Variants in TMTC1 observed in about 807,000 individuals in gnomAD.
TMTC1 encodes the protein protein O-mannosyl-transferase TMTC1.
In TMTC1, 73 loss-of-function variants were observed where a neutral mutation model predicts 104.8. That is an observed-to-expected ratio of 0.70 (90% CI 0.58 to 0.85). TMTC1 has a LOEUF of 0.85. Among genes scored for constraint, TMTC1 ranks in the 40% least tolerant of loss-of-function variants. The pLI, the probability that TMTC1 is intolerant of heterozygous loss-of-function variation, is 0.00. For synonymous variants in TMTC1, 434 were observed against 428.7 expected, an observed-to-expected ratio of 1.01 and a Z score of -0.15; for missense variants, 1,035 against 1,096.1, an observed-to-expected ratio of 0.94 and a Z score of 0.79.
chr12:29,572,070 C>A, intron 9 of TMTC1, 35 bp downstream of exon 9: 1 of 1,546,072 alleles, frequency 6.5e-7, no homozygotes, highest in Non-Finnish European at 8.9e-7. Flanking sequence ...GTCTTTAAAG[C>A]ACCAAGGCCA....
intron 8 of TMTC1, among the ~76,000 whole-genome samples, chr12:29,577,358 C>T (rs1027947583): frequency 2.0e-5 from 3 of 152,124 alleles, no homozygotes; most frequent in Non-Finnish European, 4.4e-5. Flanking sequence ...TACATTTGCC[C>T]TGTTCTCTGA....
At position 29,503,576 on chromosome 12, in the gene TMTC1, T is replaced by C. The variant is rs1943638976; in HGVS notation, c.*3270A>G. The C allele has an allele frequency of 6.6e-6, 1 of 152,124 alleles. No homozygotes were observed. Among genetic ancestry groups the C allele is most frequent in the Non-Finnish European group, 1.5e-5 (1 of 68,036 alleles). 9.4% of individuals were successfully genotyped at this position (152,124 alleles called of 1,614,324 possible). On this transcript the variant is annotated 3_prime_UTR_variant, in exon 18 of 18. Transcript: ENST00000539277. ...AGATGGACTGGAAAAAGAGGGGTGA[T>C]ATATACATGAGGAACTCTAAATGTA...
chr12:29,636,095 A>T (rs190298319), intron 5 of TMTC1, among the ~76,000 whole-genome samples: 1 of 152,320 alleles, frequency 6.6e-6, no homozygotes, highest in Non-Finnish European at 1.5e-5. Flanking sequence ...TTAGAAATAC[A>T]TACTAACATA....
chr12:29,522,749 G>C (rs995705835), intron 11 of TMTC1, among the ~76,000 whole-genome samples: 1 of 152,160 alleles, frequency 6.6e-6, no homozygotes, highest in Non-Finnish European at 1.5e-5. Context: ...CCCAAGATTT[G>C]ACTGCGTGGA....
chr12:29,768,096 G>GA (rs141960548), intron 1 of TMTC1, 21 bp from the exon 2 acceptor site: 7 of 1,522,568 alleles, frequency 4.6e-6, no homozygotes, highest in South Asian at 1.3e-5. Flanking sequence ...AAAGAAAAAA[G>GA]AAAAAAACTG....
intron 8 of TMTC1, 110 bp from the exon 9 acceptor site, chr12:29,572,328 T>C: frequency 3.2e-6 from 3 of 923,410 alleles, no homozygotes; most frequent in Non-Finnish European, 5.0e-6. Context: ...TCCGTTGTAT[T>C]CTAAAACAAG....
chr12:29,707,889 G>A (rs1023063273), intron 5 of TMTC1, among the ~76,000 whole-genome samples: 1 of 152,170 alleles, frequency 6.6e-6, no homozygotes, highest in Non-Finnish European at 1.5e-5. Flanking sequence ...CTTTGAGGCT[G>A]GAGAGCCACA....
chr12:29,631,085 C>A (rs1404524139), intron 6 of TMTC1, among the ~76,000 whole-genome samples: 1 of 152,116 alleles, frequency 6.6e-6, no homozygotes, highest in African/African-American at 2.4e-5. Context: ...CTACTTGGAT[C>A]TTTTCTCCAT....
chr12:29,700,240 T>G (rs1468183059), intron 5 of TMTC1, among the ~76,000 whole-genome samples: 1 of 144,456 alleles, frequency 6.9e-6, no homozygotes, highest in South Asian at 2.2e-4. Context: ...TTTTTTTTTG[T>G]TTTTTTTTTT....
intron 5 of TMTC1, among the ~76,000 whole-genome samples, chr12:29,682,654 C>T (rs1940959425): frequency 6.6e-6 from 1 of 152,084 alleles, no homozygotes; most frequent in African/African-American, 2.4e-5. Flanking sequence ...TGTAAGAGAC[C>T]ACATAATGTA....
chr12:29,733,322 C>A (rs977237493), intron 5 of TMTC1, among the ~76,000 whole-genome samples: 6 of 152,154 alleles, frequency 3.9e-5, no homozygotes, highest in Non-Finnish European at 7.3e-5. Context: ...TCACGTCCTC[C>A]TTTCTCACCT....
intron 7 of TMTC1, among the ~76,000 whole-genome samples, chr12:29,603,060 C>T (rs911807605): frequency 1.2e-4 from 18 of 152,246 alleles, no homozygotes; most frequent in Admixed American, 4.6e-4. Context: ...CCTTAAACCA[C>T]GTAGAATATA....
chr12:29,521,007 G>A, intron 11 of TMTC1: 1 of 228,322 alleles, frequency 4.4e-6, no homozygotes, highest in Non-Finnish European at 8.5e-6. Flanking sequence ...CAACATGCAC[G>A]CCTACCGGGG....
At chr12:29,719,619 T>C (rs967175867) in intron 5 of TMTC1, among the ~76,000 whole-genome samples, 2 of 152,194 alleles carry the variant, frequency 1.3e-5, no homozygotes, top group African/African-American at 2.4e-5. Context: ...AGACAGGATG[T>C]CTCTCATTGA....
chr12:29,573,742 T>TTTTGAGGGGCTTTTGAG, intron 8 of TMTC1, among the ~76,000 whole-genome samples: 1 of 152,256 alleles, frequency 6.6e-6, no homozygotes, highest in South Asian at 2.1e-4. Flanking sequence ...TTTGAGGGAC[T>TTTTGAGGGGCTTTTGAG]GGAAGAAATT....
intron 2 of TMTC1, among the ~76,000 whole-genome samples, chr12:29,765,951 C>G (rs920841411): frequency 1.3e-5 from 2 of 152,186 alleles, no homozygotes; most frequent in Non-Finnish European, 2.9e-5. Context: ...ACAGTGCAAT[C>G]AAGTCCTCCT....
intron 6 of TMTC1, among the ~76,000 whole-genome samples, chr12:29,611,087 A>T (rs142308224): frequency 6.6e-6 from 1 of 152,102 alleles, no homozygotes; most frequent in African/African-American, 2.4e-5. Context: ...GCACTGCCAG[A>T]TGTACTAATG....
Position 29,504,555 on chromosome 12 carries a change from T to C in TMTC1, c.*2291A>G, listed in dbSNP as rs538276065. On this transcript the variant is annotated 3_prime_UTR_variant, in exon 18 of 18. Coordinates refer to ENST00000539277, the MANE Select transcript of TMTC1 (RefSeq NM_001193451.2). ...TTAGTGTTCAAAAGATGCCAGTGTG[T>C]GTAGACAGAGTGACAGTGAGAGAAA... The C allele has an allele frequency of 6.6e-6, 1 of 152,126 alleles. No homozygotes were observed. Among genetic ancestry groups the C allele is most frequent in the East Asian group, 1.9e-4 (1 of 5,176 alleles). 9.4% of individuals were successfully genotyped at this position (152,126 alleles called of 1,614,324 possible). A position where few individuals can be genotyped will look rare whatever the true frequency, so the allele number is the denominator to read the frequency against.
chr12:29,586,879 T>C (rs1483171149), intron 7 of TMTC1, among the ~76,000 whole-genome samples: 5 of 152,034 alleles, frequency 3.3e-5, no homozygotes, highest in Non-Finnish European at 7.3e-5. Context: ...TCATCAAGGA[T>C]AGTGGTCTAA....
Sources: allele counts gnomAD v4.1 joint callset (sites outside exome capture counted in the v4.1 genomes callset), GRCh38; gene constraint gnomAD v4.1.1; transcripts MANE v1.5; gene names NCBI Gene and HGNC (gene_info 2026-07-23, HGNC 2026-07-21).